MFSD12: variants seen among roughly 807,000 people sequenced by gnomAD.
The protein encoded by MFSD12 is major facilitator superfamily domain containing 12, also known as major facilitator superfamily domain-containing protein 12.
MFSD12 carries 67 observed loss-of-function variants against 51.2 expected under a neutral mutation model. The observed-to-expected ratio is 1.31, with a 90% CI of 1.08 to 1.60. MFSD12 has a LOEUF of 1.60. Among genes scored for constraint, MFSD12 ranks in the 40% most tolerant of loss-of-function variants. The probability of loss-of-function intolerance (pLI) is 0.00; values close to 1 mark genes in which losing one functional copy is unlikely to be tolerated. For synonymous variants in MFSD12, 441 were observed against 316.7 expected, an observed-to-expected ratio of 1.39 and a Z score of -4.17; for missense variants, 921 against 673.0, an observed-to-expected ratio of 1.37 and a Z score of -4.08.
chr19:3,546,389 A>C lies in MFSD12; in HGVS notation c.1060T>G (p.Phe354Val). Residue 354 changes from phenylalanine (F) to valine (V), a missense_variant, in exon 7 of 10, where the codon TTT (phenylalanine) becomes GTT (valine). Transcript: ENST00000355415. ...YFSGLLVILA[F>V]AAWVALAEGL... ...TCCGCCAGCGCCACCCAGGCGGCAAAGGCCAGGATCACCAGGAGGCCTGAG... is the reference window on the plus strand; with the variant it reads ...TCCGCCAGCGCCACCCAGGCGGCAACGGCCAGGATCACCAGGAGGCCTGAG... 2 of 1,608,370 alleles carry C rather than the reference A, an allele frequency of 1.2e-6. No individual in the cohort carries two copies. Among genetic ancestry groups the C allele is most frequent in the East Asian group, 4.5e-5 (2 of 44,706 alleles).
In MFSD12 at chr19:3,546,247, A is replaced by C. The variant is rs575535365; in HGVS notation, c.1194+8T>G. 6.2e-7 allele frequency: 1 copy of C among 1,607,378 alleles called. No individual in the cohort carries two copies. Among genetic ancestry groups the C allele is most frequent in the Non-Finnish European group, 8.5e-7 (1 of 1,176,198 alleles). On this transcript the variant is annotated splice_region_variant and intron_variant, in intron 7 of 9. Coordinates refer to ENST00000355415, the MANE Select transcript of MFSD12 (RefSeq NM_174983.5). ...CCTCCCCCACCCCAGCCTGGCTACC[A>C]GCCCTACCGTGTGGGGACCGATGAG...
downstream of MFSD12, chr19:3,543,850 G>A: frequency 6.5e-7 from 1 of 1,544,720 alleles, no homozygotes; most frequent in Non-Finnish European, 8.7e-7. Flanking sequence ...AACCGGTACG[G>A]GGTGGAGCCA....
chr19:3,539,845 C>CA (rs2030213105), downstream of MFSD12: 1 of 152,858 alleles, frequency 6.5e-6, no homozygotes, highest in Non-Finnish European at 1.5e-5. Flanking sequence ...GGGGGTATAC[C>CA]AGTCACCCCG....
Position 3,544,900 on chromosome 19 carries a change from G to A in MFSD12, c.1329C>T (p.His443=). ...CGCCCGTCACAGCCACCATCGCCCA[G>A]TGGTAAAAGCTCACGCAGGCCCTGC... ...LCCRACVSFY[H]WAMVAVTGGV... Residue 443 remains histidine, a synonymous_variant, in exon 9 of 10, where the codon CAC becomes CAT. Transcript: ENST00000355415. 1.2e-6 allele frequency: 2 copies of A among 1,611,780 alleles called. No homozygotes were observed. The highest frequency in any genetic ancestry group is 1.7e-5 in the Admixed American group (1 of 59,886).
intron 5 of MFSD12, 36 bp downstream of exon 5, chr19:3,547,419 C>G (rs200019629): frequency 6.2e-7 from 1 of 1,610,346 alleles, no homozygotes; most frequent in Non-Finnish European, 8.5e-7. Flanking sequence ...AGGCTGGGGC[C>G]GTCCCATCCC....
At chr19:3,543,297 G>C, downstream of MFSD12, 2 of 1,548,882 alleles carry the variant, frequency 1.3e-6, no homozygotes, top group Non-Finnish European at 1.7e-6. Flanking sequence ...GCCACACGCT[G>C]GAAGTACACG....
At chr19:3,543,848 C>G (rs752336904), downstream of MFSD12, 2 of 1,542,494 alleles carry the variant, frequency 1.3e-6, no homozygotes, top group Non-Finnish European at 1.8e-6. Context: ...GGAACCGGTA[C>G]GGGGTGGAGC....
intron 1 of MFSD12, among the ~76,000 whole-genome samples, chr19:3,554,887 G>A (rs1417032598): frequency 6.6e-6 from 1 of 152,192 alleles, no homozygotes; most frequent in East Asian, 1.9e-4. Flanking sequence ...GGCATCAAGA[G>A]CGGCTGCCTG....
chr19:3,549,950 C>A (rs2031376248), intron 2 of MFSD12, among the ~76,000 whole-genome samples: 1 of 152,040 alleles, frequency 6.6e-6, no homozygotes, highest in African/African-American at 2.4e-5. Context: ...TCAAGGGAGA[C>A]TACGGTGTGT....
chr19:3,550,843 AC>A, intron 2 of MFSD12, 140 bp downstream of exon 2: 1 of 692,388 alleles, frequency 1.4e-6, no homozygotes, highest in Non-Finnish European at 2.4e-6. Context: ...ACAGAGTGAG[AC>A]CCCCTTTCAA....
chr19:3,543,364 C>G, downstream of MFSD12: 1 of 1,549,350 alleles, frequency 6.5e-7, no homozygotes, highest in South Asian at 1.2e-5. Flanking sequence ...CCAACTCGGA[C>G]GCCTGGGAAG....
Position 3,551,345 on chromosome 19 carries a change from T to G in MFSD12, c.299-151A>C, listed in dbSNP as rs2031468239. The G allele has an allele frequency of 3.1e-6, 2 of 636,648 alleles. No individual in the cohort carries two copies. The highest frequency in any genetic ancestry group is 1.8e-5 in the African/African-American group (1 of 54,320). 39.4% of individuals were successfully genotyped at this position (636,648 alleles called of 1,614,324 possible). ...GTCACGCAGGAGCGAGGGTCTGCAG[T>G]CGGGGTCCCCCAGGCTTATGGCCCC... On this transcript the variant is annotated intron_variant, in intron 1 of 9. Coordinates refer to ENST00000355415, the MANE Select transcript of MFSD12 (RefSeq NM_174983.5). The surrounding 1 kb of genome is among the most constrained non-coding windows in gnomAD (Gnocchi z 4.6).
intron 1 of MFSD12, among the ~76,000 whole-genome samples, chr19:3,554,468 A>C (rs1011185394): frequency 1.4e-5 from 2 of 139,428 alleles, no homozygotes; most frequent in Admixed American, 7.1e-5. Flanking sequence ...AAAAAAAAAG[A>C]AAGAAAGTTC....
intron 1 of MFSD12, among the ~76,000 whole-genome samples, chr19:3,555,966 C>A (rs1474699998): frequency 1.3e-5 from 2 of 152,196 alleles, no homozygotes; most frequent in Non-Finnish European, 2.9e-5. Flanking sequence ...CAGGGTGACC[C>A]AGCCCATGAC....
intron 2 of MFSD12, among the ~76,000 whole-genome samples, chr19:3,549,628 C>T (rs546183459): frequency 4.1e-4 from 62 of 150,172 alleles, no homozygotes; most frequent in African/African-American, 1.4e-3. Flanking sequence ...GAGGCTGAGG[C>T]AGGAGAACCG....
In MFSD12 at chr19:3,557,304, G is replaced by A. The variant is rs1396666360; in HGVS notation, c.100C>T (p.Leu34=). ...SYAVGHFLND[L]CASMWFTYLL... ...TAGGTGAACCACATGGACGCGCACA[G>A]GTCGTTGAGGAAGTGGCCCACGGCG... The change falls in exon 1 of 10, where the codon CTG becomes TTG. Residue 34 remains leucine, a synonymous_variant. Transcript: ENST00000355415. 3 of 1,591,658 alleles carry A rather than the reference G, an allele frequency of 1.9e-6. No homozygotes were observed. Among genetic ancestry groups the A allele is most frequent in the Admixed American group, 1.7e-5 (1 of 57,744 alleles).
chr19:3,539,168 C>T, intron 4 of MFSD12: 1 of 1,547,384 alleles, frequency 6.5e-7, no homozygotes, highest in Non-Finnish European at 8.7e-7. Context: ...CCCGGGGGAT[C>T]CAGGCAGACA....
exon 5 of MFSD12, chr19:3,538,669 T>A (rs1431011982): frequency 7.2e-6 from 3 of 414,506 alleles, no homozygotes; most frequent in Non-Finnish European, 9.4e-6. Context: ...GCCGTGCTGA[T>A]CCCCTCACCT....
downstream of MFSD12, among the ~76,000 whole-genome samples, chr19:3,540,952 C>T (rs1275036179): frequency 6.6e-6 from 1 of 151,486 alleles, no homozygotes; most frequent in Non-Finnish European, 1.5e-5. Context: ...GGGTGGATCA[C>T]GAGGTCAGGA....
Sources: gnomAD v4.1 joint callset for allele counts (sites outside exome capture counted in the v4.1 genomes callset) on GRCh38, gnomAD v4.1.1 for gene constraint, Gnocchi (gnomAD v3.1) non-coding constraint, MANE v1.5 for transcripts, NCBI Gene and HGNC (gene_info 2026-07-23, HGNC 2026-07-21) for gene names.